Variants in SLC5A11 observed in about 807,000 individuals in gnomAD.
The protein encoded by SLC5A11 is sodium/myo-inositol cotransporter 2.
Under a neutral mutation model 69.8 loss-of-function variants are expected in SLC5A11, and 48 were observed. The ratio of observed to expected loss-of-function variants is 0.69; its 90% CI spans 0.55 to 0.87. The LOEUF (loss-of-function observed/expected upper bound fraction) is 0.87. SLC5A11 is among the 40% of genes least tolerant of loss of function. The pLI is 0.00. For synonymous variants in SLC5A11, 319 were observed against 342.4 expected, an observed-to-expected ratio of 0.93 and a Z score of 0.75; for missense variants, 784 against 866.1, an observed-to-expected ratio of 0.91 and a Z score of 1.19.
chr16:24,848,515 G>T (rs990038403), intron 1 of SLC5A11, among the ~76,000 whole-genome samples: 1 of 152,146 alleles, frequency 6.6e-6, no homozygotes, highest in South Asian at 2.1e-4. Flanking sequence ...TCCCAGCACT[G>T]TGCAGGGATC....
intron 2 of SLC5A11, 22 bp downstream of exon 3, chr16:24,858,800 T>TG (rs1164766392): frequency 6.2e-7 from 1 of 1,604,132 alleles, no homozygotes; most frequent in Admixed American, 1.7e-5. Context: ...CACTGGGGGA[T>TG]GGGGGATGAA....
At chr16:24,903,268 T>G (rs763354046) in intron 10 of SLC5A11, among the ~76,000 whole-genome samples, 36 of 152,290 alleles carry the variant, frequency 2.4e-4, no homozygotes, top group Non-Finnish European at 4.4e-4. Context: ...GTGTGATATT[T>G]TGATACATTA....
At chr16:24,908,326 C>G (rs977452632) in intron 13 of SLC5A11, among the ~76,000 whole-genome samples, 195 bp downstream of exon 14, 1 of 151,964 alleles carries the variant, frequency 6.6e-6, no homozygotes, top group Non-Finnish European at 1.5e-5. Flanking sequence ...AGGGCTGCTG[C>G]GATGGCTCAC....
At chr16:24,850,823 T>G (rs1412030332) in intron 1 of SLC5A11, among the ~76,000 whole-genome samples, 7 of 152,078 alleles carry the variant, frequency 4.6e-5, no homozygotes, top group African/African-American at 1.7e-4. Context: ...TTTTTTTTTT[T>G]TCTTTAAGAC....
At chr16:24,905,114 T>G (rs1349650220) in intron 10 of SLC5A11, among the ~76,000 whole-genome samples, 1 of 151,948 alleles carries the variant, frequency 6.6e-6, no homozygotes, top group Non-Finnish European at 1.5e-5. Flanking sequence ...TGGCACATAT[T>G]TTTAAATAAA....
intron 1 of SLC5A11, among the ~76,000 whole-genome samples, chr16:24,851,296 T>C (rs898385679): frequency 5.3e-5 from 8 of 150,824 alleles, no homozygotes; most frequent in African/African-American, 1.7e-4. Flanking sequence ...GCGGATCACC[T>C]GAGGTCAGGA....
chr16:24,863,107 A>G (rs1298522582), intron 3 of SLC5A11, among the ~76,000 whole-genome samples: 1 of 146,228 alleles, frequency 6.8e-6, no homozygotes, highest in Non-Finnish European at 1.5e-5. Flanking sequence ...TATATTATAT[A>G]TAATAAATAT....
chr16:24,875,819 T>G, intron 6 of SLC5A11, 88 bp downstream of exon 7: 4 of 1,031,422 alleles, frequency 3.9e-6, no homozygotes, highest in Non-Finnish European at 5.9e-6. Context: ...CTCCTCGCTA[T>G]CCCCTTTCTC....
rs762081157 is a variant in SLC5A11, at chr16:24,891,094, G to C, written c.870+20G>C. The stretch of plus-strand genomic sequence containing the variant: ...GATCAGGTACAGGACAGTGGCCTGA[G>C]CAAGTTTTTCCTTCTCTTTGCTTCT... On this transcript the variant is annotated intron_variant, in intron 9 of 15. Transcript: ENST00000347898. The C allele has an allele frequency of 6.2e-7, 1 of 1,603,748 alleles. No homozygotes were observed. Among genetic ancestry groups the C allele is most frequent in the Admixed American group, 1.7e-5 (1 of 59,806 alleles).
intron 15 of SLC5A11, among the ~76,000 whole-genome samples, chr16:24,910,957 T>G (rs1479018823): frequency 6.6e-6 from 1 of 151,908 alleles, no homozygotes; most frequent in East Asian, 1.9e-4. Flanking sequence ...TCACTTGAAA[T>G]CAGGAGTTCA....
chr16:24,884,195 T>C (rs1017636095), intron 8 of SLC5A11, 64 bp downstream of exon 9: 1 of 1,503,244 alleles, frequency 6.7e-7, no homozygotes, highest in Non-Finnish European at 9.2e-7. Flanking sequence ...GGATATCTGC[T>C]CTCCACACTG....
intron 5 of SLC5A11, among the ~76,000 whole-genome samples, chr16:24,875,297 A>G (rs868332729): frequency 1.2e-4 from 18 of 152,066 alleles, no homozygotes; most frequent in Admixed American, 2.6e-4. Flanking sequence ...TGATCCTTCC[A>G]CCTCAGCCAC....
At chr16:24,909,081 A>ACCCTCCAAG (rs1567708302) in exon 14 of SLC5A11, 1 of 1,614,010 alleles carries the variant, frequency 6.2e-7, no homozygotes, top group South Asian at 1.1e-5. Flanking sequence ...TCACAGAGCC[A>ACCCTCCAAG]CCCTCCAAGG....
chr16:24,846,957 G>A (rs1270483772), intron 1 of SLC5A11, among the ~76,000 whole-genome samples: 1 of 152,182 alleles, frequency 6.6e-6, no homozygotes, highest in Non-Finnish European at 1.5e-5. Flanking sequence ...AACTGACACA[G>A]AAACCCTGTA....
chr16:24,845,967 C>G (rs1380559640), exon 1 of SLC5A11: 1 of 152,430 alleles, frequency 6.6e-6, no homozygotes, highest in African/African-American at 2.4e-5. Flanking sequence ...CAGCTCGTCC[C>G]AAGCCTGCCT....
At chr16:24,911,273 C>T (rs1202032209) in intron 15 of SLC5A11, 55 bp from the exon 17 acceptor site, 14 of 1,575,182 alleles carry the variant, frequency 8.9e-6, no homozygotes, top group Non-Finnish European at 1.2e-5. Context: ...CCTGTCTCAC[C>T]TCTCTGGGAG....
At chr16:24,857,009 C>T (rs542738189) in intron 1 of SLC5A11, among the ~76,000 whole-genome samples, 226 of 152,154 alleles carry the variant, frequency 1.5e-3, no homozygotes, top group Middle Eastern at 6.8e-3. Context: ...TTAGTAGAGA[C>T]GGGGTCCACC....
chr16:24,856,773 A>G (rs1043933552), intron 1 of SLC5A11, among the ~76,000 whole-genome samples: 1 of 150,932 alleles, frequency 6.6e-6, no homozygotes. Context: ...TCCATCTCAA[A>G]AAATAAATAA....
chr16:24,861,665 AAAGAAAGG>A lies in SLC5A11; in HGVS notation c.136-932_136-925del, dbSNP rs547911622. Among the ~76,000 whole-genome samples the A allele has an allele frequency of 3.1e-3, 452 of 145,730 alleles. 2 individuals are homozygous for A. The highest frequency in any genetic ancestry group is 0.011 in the African/African-American group (437 of 38,590). On this transcript the variant is annotated intron_variant, in intron 2 of 15. Coordinates refer to ENST00000347898, the Ensembl canonical transcript of SLC5A11. Reference sequence around the variant, plus strand: ...AGGGACAAGAAGAAGAAAGAAAAAGAAAGAAAGGAAGGAAGGGAGGGAGGAAGGAAGGG... The same window carrying A: ...AGGGACAAGAAGAAGAAAGAAAAAGAAAGGAAGGGAGGGAGGAAGGAAGGG...
Sources: allele counts gnomAD v4.1 joint callset (sites outside exome capture counted in the v4.1 genomes callset), GRCh38; gene constraint gnomAD v4.1.1; transcripts MANE v1.5; gene names NCBI Gene and HGNC (gene_info 2026-07-23, HGNC 2026-07-21).